Variants in CCNY observed in about 807,000 individuals in gnomAD.
CCNY encodes the protein cyclin Y, also known as cyclin-Y.
A neutral mutation model predicts 42.8 loss-of-function variants in CCNY; 19 were observed. That is an observed-to-expected ratio of 0.44 (90% CI 0.31 to 0.65). CCNY has a LOEUF of 0.65. CCNY is among the 30% of genes least tolerant of loss of function. CCNY has a pLI of 0.07. For synonymous variants in CCNY, 165 were observed against 162.7 expected (o/e 1.01, Z -0.11); for missense variants, 370 against 437.3 (o/e 0.85, Z 1.37).
intron 7 of CCNY, among the ~76,000 whole-genome samples, chr10:35,543,705 T>TA (rs1055630177): frequency 0.02 from 2,608 of 130,900 alleles, 25 homozygotes; most frequent in South Asian, 0.049. Flanking sequence ...CTACTTATTT[T>TA]AAAAAAAAAA....
intron 1 of CCNY, among the ~76,000 whole-genome samples, chr10:35,480,261 G>A (rs1202255143): frequency 2.6e-5 from 4 of 152,144 alleles, no homozygotes; most frequent in Non-Finnish European, 4.4e-5. Context: ...GGCCATGAAG[G>A]AAACGTGACA....
upstream of CCNY, among the ~76,000 whole-genome samples, chr10:35,335,203 C>G (rs1371056014): frequency 1.3e-5 from 2 of 151,944 alleles, no homozygotes; most frequent in East Asian, 3.9e-4. Flanking sequence ...TTGTGGGCGT[C>G]GGGAGGGAAT....
intron 3 of CCNY, among the ~76,000 whole-genome samples, chr10:35,301,199 A>C (rs1048794253): frequency 1.3e-5 from 2 of 152,214 alleles, no homozygotes; most frequent in African/African-American, 4.8e-5. Flanking sequence ...TGAGATCTTA[A>C]CTACAACATA....
In CCNY at chr10:35,380,151, C is replaced by T. The variant is rs115331667; in HGVS notation, c.154+42944C>T. On this transcript the variant is annotated intron_variant, in intron 1 of 9. Transcript: ENST00000374704. The stretch of plus-strand genomic sequence containing the variant: ...AACAGATACTGGGTTAAGGAGGCTG[C>T]CAGGTACCAGTCTTAGATCCTCGAG... Among the ~76,000 whole-genome samples, 1,030 of 152,274 alleles carry T rather than the reference C, an allele frequency of 6.8e-3. 11 individuals carry two copies. Among genetic ancestry groups the T allele is most frequent in the African/African-American group, 0.024 (984 of 41,540 alleles).
chr10:35,393,146 T>C (rs777430025), intron 1 of CCNY, among the ~76,000 whole-genome samples: 5 of 152,214 alleles, frequency 3.3e-5, no homozygotes, highest in African/African-American at 4.8e-5. Flanking sequence ...TCTTAGCATC[T>C]GTCACAGTAG....
intron 1 of CCNY, among the ~76,000 whole-genome samples, chr10:35,349,477 C>T (rs1836381956): frequency 6.6e-6 from 1 of 152,172 alleles, no homozygotes; most frequent in Non-Finnish European, 1.5e-5. Context: ...TGATGCCAAC[C>T]AGAGAAGGAC....
chr10:35,313,972 T>G (rs1299002348), intron 3 of CCNY, among the ~76,000 whole-genome samples: 1 of 115,452 alleles, frequency 8.7e-6, no homozygotes, highest in East Asian at 2.8e-4. Context: ...TGAGAGTTCA[T>G]CTCGGAAAAA....
At chr10:35,276,951 A>G (rs2052568931) in intron 3 of CCNY, among the ~76,000 whole-genome samples, 1 of 152,246 alleles carries the variant, frequency 6.6e-6, no homozygotes, top group South Asian at 2.1e-4. Flanking sequence ...TTAAATGCTT[A>G]TAACAATGGA....
At chr10:35,477,664 A>G (rs11591523) in intron 1 of CCNY, among the ~76,000 whole-genome samples, 6,917 of 149,594 alleles carry the variant, frequency 0.046, 227 homozygotes, top group Non-Finnish European at 0.066. Context: ...ATCTATGACA[A>G]ACCCACAGCC....
At chr10:35,416,160 CGTGTGTGTGTGT>C (rs57188309) in intron 1 of CCNY, among the ~76,000 whole-genome samples, 6 of 144,500 alleles carry the variant, frequency 4.2e-5, no homozygotes, top group Admixed American at 3.4e-4. Flanking sequence ...TTGTGGCACC[CGTGTGTGTGTGT>C]GTGTGTGTGT....
intron 3 of CCNY, among the ~76,000 whole-genome samples, chr10:35,272,085 C>G (rs957230645): frequency 6.6e-6 from 1 of 152,154 alleles, no homozygotes; most frequent in African/African-American, 2.4e-5. Flanking sequence ...CTGCCAGGTT[C>G]AAGTGATTCT....
chr10:35,301,838 G>T (rs1431592370), intron 3 of CCNY, among the ~76,000 whole-genome samples: 1 of 152,026 alleles, frequency 6.6e-6, no homozygotes, highest in Non-Finnish European at 1.5e-5. Flanking sequence ...TCAATATGTT[G>T]CCCAGGCTGG....
intron 1 of CCNY, among the ~76,000 whole-genome samples, chr10:35,356,372 C>A (rs1836549202): frequency 6.6e-6 from 1 of 152,168 alleles, no homozygotes; most frequent in African/African-American, 2.4e-5. Flanking sequence ...TGGTCAAAAT[C>A]CGATTTTAAA....
At chr10:35,548,981 G>GAAAACACAGTAA in intron 7 of CCNY, among the ~76,000 whole-genome samples, 1 of 152,088 alleles carries the variant, frequency 6.6e-6, no homozygotes, top group East Asian at 1.9e-4. Flanking sequence ...GTAAAGCACT[G>GAAAACACAGTAA]AACACAGAAA....
At chr10:35,495,186 C>G (rs892941474) in intron 2 of CCNY, among the ~76,000 whole-genome samples, 2 of 152,216 alleles carry the variant, frequency 1.3e-5, no homozygotes, top group African/African-American at 4.8e-5. Flanking sequence ...TCTGTGTTTT[C>G]CAAGCAAGCT....
intron 1 of CCNY, among the ~76,000 whole-genome samples, chr10:35,421,623 T>C (rs1048665063): frequency 1.3e-5 from 2 of 152,200 alleles, no homozygotes; most frequent in Non-Finnish European, 2.9e-5. Flanking sequence ...CTTTTGTCCG[T>C]GTTGCCTGGT....
intron 2 of CCNY, among the ~76,000 whole-genome samples, chr10:35,490,988 A>G (rs1036802231): frequency 5.3e-5 from 8 of 152,210 alleles, no homozygotes; most frequent in Non-Finnish European, 1.0e-4. Context: ...CCATTTCAAT[A>G]AAAGAATTGC....
chr10:35,397,021 T>C lies in CCNY; in HGVS notation c.154+59814T>C, dbSNP rs907026189. ...GGGCTGGCTCAGAGGGAGCAGGTTC[T>C]TAGCACTGCTCACGTGGCAGCTCCA... On this transcript the variant is annotated intron_variant, in intron 1 of 9. Transcript: ENST00000374704. Among the ~76,000 whole-genome samples the C allele has an allele frequency of 2.0e-5, 3 of 152,342 alleles. No individual in the cohort carries two copies. The South Asian group carries it at 6.2e-4, about 32-fold the overall frequency.
chr10:35,383,016 T>C (rs1344989188), intron 1 of CCNY, among the ~76,000 whole-genome samples: 2 of 152,186 alleles, frequency 1.3e-5, no homozygotes, highest in East Asian at 1.9e-4. Context: ...ATTAGTCCAC[T>C]TATATGTGGA....
Sources: gnomAD v4.1 joint callset for allele counts (sites outside exome capture counted in the v4.1 genomes callset) on GRCh38, gnomAD v4.1.1 for gene constraint, MANE v1.5 for transcripts, NCBI Gene and HGNC (gene_info 2026-07-23, HGNC 2026-07-21) for gene names.